DENND1B: variants seen among roughly 807,000 people sequenced by gnomAD.
DENND1B encodes DENN domain-containing protein 1B.
A neutral mutation model predicts 90.1 loss-of-function variants in DENND1B; 59 were observed. That is an observed-to-expected ratio of 0.65 (90% confidence interval 0.53 to 0.81). DENND1B has a LOEUF of 0.81. Ranked by LOEUF, DENND1B falls within the 40% of genes least tolerant of loss-of-function variation. DENND1B has a pLI of 0.00. For missense variants in DENND1B, 862 were observed against 912.6 expected, an observed-to-expected ratio of 0.94 and a Z score of 0.71; for synonymous variants, 337 against 324.6, an observed-to-expected ratio of 1.04 and a Z score of -0.41.
chr1:197,675,125 T>C, intron 3 of DENND1B, among the ~76,000 whole-genome samples: 1 of 152,110 alleles, frequency 6.6e-6, no homozygotes, highest in East Asian at 1.9e-4. Flanking sequence ...CAAAGAATTT[T>C]ATAAGGATGT....
At chr1:197,728,892 C>T (rs1228229865) in intron 2 of DENND1B, among the ~76,000 whole-genome samples, 2 of 152,102 alleles carry the variant, frequency 1.3e-5, no homozygotes, top group African/African-American at 4.8e-5. Flanking sequence ...AAATTCTGCA[C>T]TTCCTACCCA....
intron 20 of DENND1B, among the ~76,000 whole-genome samples, chr1:197,528,072 A>G (rs1477576722): frequency 6.6e-6 from 1 of 152,150 alleles, no homozygotes; most frequent in Non-Finnish European, 1.5e-5. Context: ...AATACTATAA[A>G]CCACACCCTA....
At chr1:197,597,551 G>A (rs1321132331) in intron 13 of DENND1B, among the ~76,000 whole-genome samples, 2 of 151,622 alleles carry the variant, frequency 1.3e-5, no homozygotes, top group South Asian at 2.1e-4. Flanking sequence ...AATGTTCTCT[G>A]GACAATCACA....
intron 16 of DENND1B, among the ~76,000 whole-genome samples, chr1:197,550,622 T>C (rs1457330533): frequency 1.4e-5 from 2 of 145,402 alleles, no homozygotes; most frequent in Admixed American, 7.3e-5. Context: ...TGAGAACACA[T>C]GGACACAGGA....
chr1:197,703,624 A>AT (rs1443948822), intron 3 of DENND1B, among the ~76,000 whole-genome samples: 1 of 152,090 alleles, frequency 6.6e-6, no homozygotes, highest in African/African-American at 2.4e-5. Flanking sequence ...ATAAAATGTG[A>AT]TTTTTGTCTT....
chr1:197,542,958 A>G (rs901670773), intron 18 of DENND1B, among the ~76,000 whole-genome samples: 6 of 151,782 alleles, frequency 4.0e-5, no homozygotes. Flanking sequence ...TCCCTGAGAC[A>G]AAGTCTCACT....
intron 3 of DENND1B, among the ~76,000 whole-genome samples, chr1:197,675,929 C>A (rs983943971): frequency 2.0e-5 from 3 of 151,930 alleles, no homozygotes; most frequent in African/African-American, 7.3e-5. Context: ...CCTTCTTCCA[C>A]AAGCAACACA....
At chr1:197,768,916 C>A (rs112143834) in intron 2 of DENND1B, among the ~76,000 whole-genome samples, 44 of 151,448 alleles carry the variant, frequency 2.9e-4, no homozygotes, top group African/African-American at 1.1e-3. Context: ...TAGCAGTAGA[C>A]CAGATAAAGA....
chr1:197,644,806 ACACT>A (rs1469884054), intron 9 of DENND1B, among the ~76,000 whole-genome samples: 1 of 152,182 alleles, frequency 6.6e-6, no homozygotes, highest in Admixed American at 6.5e-5. Context: ...TGGAAACCAA[ACACT>A]CAGTAGGTTT....
At chr1:197,516,712 C>T (rs149772253) in intron 20 of DENND1B, among the ~76,000 whole-genome samples, 30 of 151,762 alleles carry the variant, frequency 2.0e-4, no homozygotes, top group Non-Finnish European at 3.2e-4. Flanking sequence ...ATTGTGTATT[C>T]TTAAGGGTGC....
intron 10 of DENND1B, among the ~76,000 whole-genome samples, chr1:197,632,079 G>A (rs1679376762): frequency 2.6e-5 from 4 of 151,988 alleles, no homozygotes; most frequent in Admixed American, 2.6e-4. Flanking sequence ...TCTAGTTCAG[G>A]AGCTAATCAT....
At position 197,562,005 on chromosome 1, in the gene DENND1B, G is replaced by A. The variant is rs79976011; in HGVS notation, c.1150-8893C>T. On this transcript the variant is annotated intron_variant, in intron 15 of 22. Coordinates refer to ENST00000620048, the MANE Select transcript of DENND1B (RefSeq NM_001195215.2). ...ACTTTTGGCCACCCCACAGGATACC[G>A]CTGAAGTGACACATATTCCAGGAAA... Among the ~76,000 whole-genome samples the A allele has an allele frequency of 3.1e-3, 477 of 151,746 alleles. 3 individuals are homozygous for A. Among genetic ancestry groups the A allele is most frequent in the African/African-American group, 0.01 (423 of 41,444 alleles).
chr1:197,576,596 A>T (rs575965341), intron 15 of DENND1B, among the ~76,000 whole-genome samples: 18 of 152,332 alleles, frequency 1.2e-4, no homozygotes, highest in African/African-American at 4.1e-4. Context: ...CTATGTTGTG[A>T]TATAGAATGT....
chr1:197,770,014 T>C (rs1291673893), intron 2 of DENND1B, among the ~76,000 whole-genome samples: 2 of 152,126 alleles, frequency 1.3e-5, no homozygotes, highest in East Asian at 3.8e-4. Flanking sequence ...TAGCTACTAA[T>C]TTATCATTTG....
chr1:197,723,084 A>C (rs1055231448), intron 2 of DENND1B, among the ~76,000 whole-genome samples: 9 of 152,344 alleles, frequency 5.9e-5, no homozygotes, highest in Non-Finnish European at 1.3e-4. Context: ...TCACAACTTA[A>C]AACAAGGAAG....
chr1:197,617,670 C>T lies in DENND1B; in HGVS notation c.762G>A (p.Leu254=), dbSNP rs77063931. The part of the protein sequence containing the change: ...IYIPVLPPHL[L]DYCCAPMPYL... ...AAAAGCCAGCTTACCAGCAGTAGTC[C>T]AGCAGGTGTGGAGGAAGCACTGGGA... The change falls in exon 11 of 23, where the codon CTG becomes CTA. Residue 254 remains leucine, a synonymous_variant. Coordinates refer to ENST00000620048, the MANE Select transcript of DENND1B (RefSeq NM_001195215.2). The T allele has an allele frequency of 3.4e-3, 5,448 of 1,606,722 alleles. 151 individuals carry two copies. In the African/African-American group the frequency reaches 0.061, roughly 18 times the overall value.
At chr1:197,680,354 G>T (rs540831482) in intron 3 of DENND1B, among the ~76,000 whole-genome samples, 1 of 152,052 alleles carries the variant, frequency 6.6e-6, no homozygotes, top group Non-Finnish European at 1.5e-5. Context: ...TCATAAAATA[G>T]AACACTCCCC....
At position 197,554,015 on chromosome 1, in the gene DENND1B, C is replaced by T. The variant is rs78924019; in HGVS notation, c.1150-903G>A. 5.9e-3 allele frequency among the ~76,000 whole-genome samples: 894 copies of T among 151,542 alleles called. 13 individuals are homozygous for T. Among genetic ancestry groups the T allele is most frequent in the African/African-American group, 0.02 (837 of 41,316 alleles). On this transcript the variant is annotated intron_variant, in intron 15 of 22. Coordinates refer to ENST00000620048, the MANE Select transcript of DENND1B (RefSeq NM_001195215.2). Reference sequence around the variant, plus strand: ...CACCTGTTCCAACATACATAGCATACCAGAATCTCACAGTATTAATGCTGC... The same window carrying T: ...CACCTGTTCCAACATACATAGCATATCAGAATCTCACAGTATTAATGCTGC...
chr1:197,514,975 A>C (rs1363413052), intron 20 of DENND1B, among the ~76,000 whole-genome samples: 1 of 151,674 alleles, frequency 6.6e-6, no homozygotes, highest in East Asian at 1.9e-4. Flanking sequence ...GCTGCAAACC[A>C]TCCTTTTGAA....
Sources: allele counts gnomAD v4.1 joint callset (sites outside exome capture counted in the v4.1 genomes callset), GRCh38; gene constraint gnomAD v4.1.1; transcripts MANE v1.5; gene names NCBI Gene and HGNC (gene_info 2026-07-23, HGNC 2026-07-21).